The following RAB38 variants were observed in gnomAD, a reference collection of about 807,000 sequenced individuals.
RAB38 encodes ras-related protein Rab-38.
A neutral mutation model predicts 18.4 loss-of-function variants in RAB38; 15 were observed. That is an observed-to-expected ratio of 0.82 (90% CI 0.55 to 1.26). RAB38 has a LOEUF of 1.26. Ranked by LOEUF, RAB38 falls within the 50% of genes most tolerant of loss-of-function variation. The pLI, the probability that RAB38 is intolerant of heterozygous loss-of-function variation, is 0.00. For synonymous variants in RAB38, 101 were observed against 104.4 expected, an observed-to-expected ratio of 0.97 and a Z score of 0.20; for missense variants, 294 against 267.4, an observed-to-expected ratio of 1.10 and a Z score of -0.69.
chr11:88,092,441 A>G, the RAB38 span, among the ~76,000 whole-genome samples: 2 of 139,982 alleles, frequency 1.4e-5, no homozygotes, highest in Non-Finnish European at 3.0e-5. Flanking sequence ...AGAGAGAGAG[A>G]GAGAGGATAT....
downstream of RAB38, among the ~76,000 whole-genome samples, chr11:88,112,771 TCAA>T (rs577913993): frequency 3.7e-4 from 56 of 149,340 alleles, 1 homozygote; most frequent in East Asian, 3.1e-3. Flanking sequence ...AGACTCCGTC[TCAA>T]CAACAACAAC....
At chr11:87,925,921 AC>A in the RAB38 span, among the ~76,000 whole-genome samples, 1 of 151,924 alleles carries the variant, frequency 6.6e-6, no homozygotes, top group African/African-American at 2.4e-5. Flanking sequence ...TAACATTGAT[AC>A]CTGCCACGCT....
At chr11:87,950,956 T>C in the RAB38 span, among the ~76,000 whole-genome samples, 1 of 152,224 alleles carries the variant, frequency 6.6e-6, no homozygotes, top group Non-Finnish European at 1.5e-5. Context: ...GGGGAAGTTC[T>C]CCTGGATAAT....
At chr11:88,032,160 G>A in the RAB38 span, among the ~76,000 whole-genome samples, 1 of 151,924 alleles carries the variant, frequency 6.6e-6, no homozygotes, top group African/African-American at 2.4e-5. Context: ...ATGGTGCTGG[G>A]AAAACTGGCT....
At chr11:88,034,988 T>C in the RAB38 span, among the ~76,000 whole-genome samples, 2 of 152,242 alleles carry the variant, frequency 1.3e-5, no homozygotes, top group African/African-American at 4.8e-5. Flanking sequence ...CTTGACAACA[T>C]TTGTTAATGT....
the RAB38 span, among the ~76,000 whole-genome samples, chr11:87,977,811 T>C: frequency 8.8e-6 from 1 of 113,768 alleles, no homozygotes; most frequent in Admixed American, 1.1e-4. Flanking sequence ...TAGAGTTATA[T>C]ATTAAATATA....
At chr11:87,882,182 G>A in the RAB38 span, among the ~76,000 whole-genome samples, 1 of 151,844 alleles carries the variant, frequency 6.6e-6, no homozygotes. Context: ...CTCTGGCCCA[G>A]ATTTGGCCAC....
chr11:88,012,600 C>T, the RAB38 span, among the ~76,000 whole-genome samples: 5 of 152,236 alleles, frequency 3.3e-5, no homozygotes, highest in African/African-American at 9.6e-5. Flanking sequence ...TCCCAAAAGC[C>T]ATCTGTGCCC....
chr11:88,069,712 G>A, the RAB38 span, among the ~76,000 whole-genome samples: 1 of 152,112 alleles, frequency 6.6e-6, no homozygotes, highest in South Asian at 2.1e-4. Context: ...TCTAGCTCAA[G>A]GTTTGTAAAC....
the RAB38 span, among the ~76,000 whole-genome samples, chr11:88,087,173 C>T: frequency 1.3e-5 from 2 of 151,928 alleles, no homozygotes; most frequent in African/African-American, 4.8e-5. Context: ...ATCCTTGTAT[C>T]TCAGATCATC....
the RAB38 span, among the ~76,000 whole-genome samples, chr11:87,898,417 A>T: frequency 6.6e-6 from 1 of 151,664 alleles, no homozygotes; most frequent in Admixed American, 6.6e-5. Context: ...TGTATATGAA[A>T]TCACTCAGAG....
At chr11:87,826,708 G>A in the RAB38 span, among the ~76,000 whole-genome samples, 412 of 152,122 alleles carry the variant, frequency 2.7e-3, 2 homozygotes, top group East Asian at 0.03. Flanking sequence ...AGGAAACTAC[G>A]GCTTGGCAAG....
the RAB38 span, among the ~76,000 whole-genome samples, chr11:87,977,946 T>G: frequency 8.8e-6 from 1 of 113,478 alleles, no homozygotes; most frequent in African/African-American, 3.5e-5. Context: ...TATAATATAT[T>G]AATATAATAT....
the RAB38 span, among the ~76,000 whole-genome samples, chr11:88,088,235 C>G: frequency 3.3e-5 from 5 of 151,964 alleles, no homozygotes; most frequent in Non-Finnish European, 7.4e-5. Flanking sequence ...ATTGATGCTA[C>G]TATGTCCACC....
intron 2 of RAB38, among the ~76,000 whole-genome samples, chr11:88,132,502 G>A (rs1357308963): frequency 6.6e-6 from 1 of 152,216 alleles, no homozygotes; most frequent in African/African-American, 2.4e-5. Context: ...TTGTTGGCCA[G>A]GCTGGAGTAC....
At chr11:88,022,619 A>AAAACAAC in the RAB38 span, among the ~76,000 whole-genome samples, 1 of 145,090 alleles carries the variant, frequency 6.9e-6, no homozygotes. Flanking sequence ...CACAAAAAAA[A>AAAACAAC]AAAAAAAAAA....
At chr11:87,952,966 T>TA in the RAB38 span, among the ~76,000 whole-genome samples, 1 of 152,114 alleles carries the variant, frequency 6.6e-6, no homozygotes, top group Non-Finnish European at 1.5e-5. Context: ...GTTTTTAATT[T>TA]TAAAACATTT....
chr11:88,094,533 ACTC>A, the RAB38 span, among the ~76,000 whole-genome samples: 7 of 151,730 alleles, frequency 4.6e-5, no homozygotes, highest in South Asian at 1.5e-3. Flanking sequence ...CTGTCCTTCA[ACTC>A]CTCATGTCTC....
At chr11:88,039,762 A>G in the RAB38 span, among the ~76,000 whole-genome samples, 1 of 152,186 alleles carries the variant, frequency 6.6e-6, no homozygotes, top group Admixed American at 6.5e-5. Flanking sequence ...CTAGAGGAGA[A>G]CTTCAGGCAC....
Sources: gnomAD v4.1 joint callset for allele counts (sites outside exome capture counted in the v4.1 genomes callset) on GRCh38, gnomAD v4.1.1 for gene constraint, MANE v1.5 for transcripts, NCBI Gene and HGNC (gene_info 2026-07-23, HGNC 2026-07-21) for gene names.